The following AWAT2 variants were observed in gnomAD, a reference collection of about 807,000 sequenced individuals.
AWAT2 encodes the protein 11-cis-RE-synthase.
In AWAT2, 9 loss-of-function variants were observed where a neutral mutation model predicts 22.3. That is an observed-to-expected ratio of 0.40 (90% CI 0.24 to 0.70). AWAT2 has a LOEUF of 0.70. AWAT2 is among the 30% of genes least tolerant of loss of function. The pLI is 0.36. For missense variants in AWAT2, 217 were observed against 265.9 expected (o/e 0.82, Z 1.28); for synonymous variants, 100 against 93.4 (o/e 1.07, Z -0.40).
rs1431157744 is a variant in AWAT2 at position 70,043,545 on chromosome X, G to C, written c.405C>G (p.Thr135=). The C allele has an allele frequency of 8.3e-7, 1 of 1,209,382 alleles. No individual in the cohort carries two copies. The highest frequency in any genetic ancestry group is 1.1e-6 in the Non-Finnish European group (1 of 894,447). ...AGGCTCCCAGTGTGAGTATGTAAGG[G>C]GTGATGCCAGGAAATATCTTGGAGA... ...SGFSKIFPGI[T]PYILTLGAFF... The change falls in exon 4 of 8, where the codon ACC becomes ACG. Residue 135 remains threonine (T), a synonymous_variant. Transcript: ENST00000276101.
chrX:70,047,705 C>G (rs900681954), intron 1 of AWAT2, among the ~76,000 whole-genome samples: 1 of 112,151 alleles, frequency 8.9e-6, no homozygotes, highest in African/African-American at 3.2e-5. Flanking sequence ...AATTGCACTC[C>G]TAGAGTGAAG....
At chrX:70,043,306 A>C (rs2020342504) in intron 4 of AWAT2, 63 bp from the exon 5 acceptor site, 1 of 1,106,311 alleles carries the variant, frequency 9.0e-7, no homozygotes, top group African/African-American at 1.8e-5. Flanking sequence ...TTTCCTTTCT[A>C]CTGCTTCAAA....
intron 1 of AWAT2, among the ~76,000 whole-genome samples, chrX:70,046,814 T>C (rs142225789): frequency 0.014 from 1,586 of 112,239 alleles, 44 homozygotes; most frequent in African/African-American, 0.049. Flanking sequence ...TCCTCTTTTC[T>C]AGTCTCAACG....
intron 5 of AWAT2, 95 bp from the exon 6 acceptor site, chrX:70,042,481 A>G (rs780287028): frequency 2.3e-4 from 208 of 897,236 alleles, no homozygotes; most frequent in Non-Finnish European, 3.2e-4. Flanking sequence ...GGGTCTGCCT[A>G]CAGGCTTCTC....
At chrX:70,046,071 C>T (rs1313688237) in intron 1 of AWAT2, among the ~76,000 whole-genome samples, 2 of 111,277 alleles carry the variant, frequency 1.8e-5, no homozygotes, top group Non-Finnish European at 3.8e-5. Context: ...ATACCAGGCT[C>T]CAGCAGCGAT....
In AWAT2 at chrX:70,049,908, G is replaced by A. The variant is rs2020386409; in HGVS notation, c.25C>T (p.Leu9Phe). 2 of 1,211,687 alleles carry A rather than the reference G, an allele frequency of 1.7e-6. No homozygotes were observed. The highest frequency in any genetic ancestry group is 3.5e-5 in the African/African-American group (2 of 57,811). Residue 9 changes from leucine to phenylalanine, a missense_variant, in exon 1 of 8, where the codon CTC becomes TTC. Leu to Phe is a conservative substitution (Grantham distance 22, BLOSUM62 0). Transcript: ENST00000276101. Reference sequence around the variant, plus strand: ...GCAAAGACATCCAGGGCAGTCTTGAGGTCCTTCTTAGAGGGCAAGAGCATT... The same window carrying A: ...GCAAAGACATCCAGGGCAGTCTTGAAGTCCTTCTTAGAGGGCAAGAGCATT... MLLPSKKD[L>F]KTALDVFAVF...
At chrX:70,043,383 G>A (rs989207947) in intron 4 of AWAT2, 95 bp downstream of exon 4, 22 of 999,627 alleles carry the variant, frequency 2.2e-5, no homozygotes, top group Non-Finnish European at 3.0e-5. Context: ...ACACCAGAGG[G>A]GATTGGGAGC....
Position 70,043,139 on chromosome X carries a change from T to C in AWAT2, c.577A>G (p.Ser193Gly). ...ACCAGGGTAGAAGAACCTGGCAGGC[T>C]GTATCTGCACTCAGCCAGTCCACCA... Reference protein sequence around the residue: ...VIGGLAECRYSLPGSSTLVLK... With the variant: ...VIGGLAECRYGLPGSSTLVLK... Residue 193 changes from serine (S) to glycine (G), a missense_variant, in exon 5 of 8, where the codon AGC becomes GGC. Physicochemically the swap from Ser to Gly is moderately conservative, Grantham distance 56. Transcript: ENST00000276101. 2 of 1,203,898 alleles carry C rather than the reference T, an allele frequency of 1.7e-6. No homozygotes were observed. Among genetic ancestry groups the C allele is most frequent in the Non-Finnish European group, 2.2e-6 (2 of 891,608 alleles).
In AWAT2 at chrX:70,041,067, T is replaced by G. The variant is rs1337472378; in HGVS notation, c.*591A>C. ...GAGGCAGAAACTGAGTGAGGGCTAG[T>G]GGGTAGCAGAGGGTATTTCGGGCGT... On this transcript the variant is annotated 3_prime_UTR_variant, in exon 8 of 8. Coordinates refer to ENST00000276101, the MANE Select transcript of AWAT2 (RefSeq NM_001002254.1). 1 of 112,185 alleles carries G rather than the reference T, an allele frequency of 8.9e-6. No individual in the cohort carries two copies. The highest frequency in any genetic ancestry group is 1.9e-5 in the Non-Finnish European group (1 of 53,193). 9.2% of individuals were successfully genotyped at this position (112,185 alleles called of 1,213,427 possible).
chrX:70,049,620 C>T (rs2020384875), intron 1 of AWAT2, among the ~76,000 whole-genome samples: 3 of 111,854 alleles, frequency 2.7e-5, no homozygotes, highest in Admixed American at 1.9e-4. Flanking sequence ...CATATACACA[C>T]CCCTGCATAG....
chrX:70,042,930 C>A, intron 5 of AWAT2, 139 bp downstream of exon 5: 1 of 474,966 alleles, frequency 2.1e-6, no homozygotes, highest in Non-Finnish European at 3.2e-6. Context: ...ACTTATCTTT[C>A]TGATGACCAT....
At chrX:70,043,721 G>T in intron 3 of AWAT2, 39 bp from the exon 4 acceptor site, 1 of 1,128,881 alleles carries the variant, frequency 8.9e-7, no homozygotes, top group South Asian at 2.0e-5. Context: ...TATTCCCAGG[G>T]TAGAGAACTT....
At chrX:70,041,683 G>T in intron 7 of AWAT2, 61 bp from the exon 8 acceptor site, 1 of 671,966 alleles carries the variant, frequency 1.5e-6, no homozygotes, top group Non-Finnish European at 2.2e-6. Flanking sequence ...TGAACAAACA[G>T]CCCCTCCCCA....
intron 1 of AWAT2, among the ~76,000 whole-genome samples, chrX:70,044,691 C>T (rs1006656225): frequency 6.2e-5 from 7 of 112,508 alleles, no homozygotes; most frequent in Non-Finnish European, 1.3e-4. Flanking sequence ...GTGTCTTCTT[C>T]CCCAGCTGAG....
intron 1 of AWAT2, among the ~76,000 whole-genome samples, chrX:70,046,761 G>A (rs2020364754): frequency 9.0e-6 from 1 of 111,565 alleles, no homozygotes; most frequent in African/African-American, 3.3e-5. Context: ...TTATGTAACA[G>A]TTTTCTACCC....
Position 70,043,129 on chromosome X carries a change from C to A in AWAT2, c.587G>T (p.Gly196Val), listed in dbSNP as rs757147656. ...GTTCTTCAACACCAGGGTAGAAGAA[C>A]CTGGCAGGCTGTATCTGCACTCAGC... ...GLAECRYSLP[G>V]SSTLVLKNRS... Residue 196 changes from glycine (G) to valine (V), a missense_variant, in exon 5 of 8, where the codon GGT becomes GTT. Physicochemically the swap from Gly to Val is moderately radical, Grantham distance 109. Coordinates refer to ENST00000276101, the MANE Select transcript of AWAT2 (RefSeq NM_001002254.1). The A allele has an allele frequency of 8.3e-7, 1 of 1,201,245 alleles. No individual in the cohort carries two copies. Among genetic ancestry groups the A allele is most frequent in the Non-Finnish European group, 1.1e-6 (1 of 890,200 alleles).
chrX:70,047,314 A>G (rs1419091376), intron 1 of AWAT2, among the ~76,000 whole-genome samples: 1 of 112,783 alleles, frequency 8.9e-6, no homozygotes, highest in Non-Finnish European at 1.9e-5. Context: ...AACAAAGTTG[A>G]AAAGCACTGC....
rs2020327512 is a variant in AWAT2, at chrX:70,041,541, C to T, written c.*117G>A. ...TTCCTCAATGCTGGCACCAAAGTGC[C>T]GTCAGGGCACCTCTCCCCTAGGCTC... On this transcript the variant is annotated 3_prime_UTR_variant, in exon 8 of 8. Transcript: ENST00000276101. The T allele has an allele frequency of 9.9e-6, 3 of 303,791 alleles. No homozygotes were observed. Among genetic ancestry groups the T allele is most frequent in the African/African-American group, 2.7e-5 (1 of 37,263 alleles). 25.0% of individuals were successfully genotyped at this position (303,791 alleles called of 1,213,427 possible).
At position 70,042,516 on chromosome X, in the gene AWAT2, G is replaced by A. The variant is rs778087249; in HGVS notation, c.648-130C>T. On this transcript the variant is annotated intron_variant, in intron 5 of 7. Coordinates refer to ENST00000276101, the MANE Select transcript of AWAT2 (RefSeq NM_001002254.1). ...CAGACCCCAGTCCAGCTGTGCCTAG[G>A]TCCAAGTTGAGTGTGGGGGCTCCAT... is the stretch of plus-strand genomic sequence containing the variant. 1.7e-4 allele frequency: 112 copies of A among 662,809 alleles called. No homozygotes were observed. The highest frequency in any genetic ancestry group is 1.6e-3 in the South Asian group (69 of 42,446). 54.6% of individuals were successfully genotyped at this position (662,809 alleles called of 1,213,427 possible). A position where few individuals can be genotyped will look rare whatever the true frequency, so the allele number is the denominator to read the frequency against.
Sources: gnomAD v4.1 joint callset for allele counts (sites outside exome capture counted in the v4.1 genomes callset) on GRCh38, gnomAD v4.1.1 for gene constraint, MANE v1.5 for transcripts, NCBI Gene and HGNC (gene_info 2026-07-23, HGNC 2026-07-21) for gene names.